Variants in RTN3 observed in about 807,000 individuals in gnomAD.
RTN3 encodes the protein reticulon 3, also known as reticulon-3.
Under a neutral mutation model 77.8 loss-of-function variants are expected in RTN3, and 49 were observed. That is an observed-to-expected ratio of 0.63 (90% CI 0.50 to 0.80). The LOEUF is 0.80. Among genes scored for constraint, RTN3 ranks in the 30% least tolerant of loss-of-function variants. RTN3 has a pLI of 0.00. For synonymous variants in RTN3, 464 were observed against 446.9 expected (o/e 1.04, Z -0.48); for missense variants, 1,236 against 1,211.9 (o/e 1.02, Z -0.29).
rs532277780 is a variant in RTN3 at position 63,738,977 on chromosome 11, G to A, written c.2531-11014G>A. ...GTGTAACTTGGGTACTGCAGCCGGC[G>A]TCCTTAAATAACAGGGACAAGAAAT... On this transcript the variant is annotated intron_variant, in intron 3 of 8. Transcript: ENST00000377819. Among the ~76,000 whole-genome samples, 32 of 152,190 alleles carry A rather than the reference G, an allele frequency of 2.1e-4. No individual in the cohort carries two copies. The South Asian group carries it at 6.0e-3, about 29-fold the overall frequency.
In RTN3 at chr11:63,685,495, C is replaced by CA. The variant is rs55888863; in HGVS notation, c.142+3731dup. The stretch of plus-strand genomic sequence containing the variant: ...TAGGCGACACAGCAAGACTCCATCT[C>CA]AAAAAAAAAAAAAAGTTACTGCAAT... On this transcript the variant is annotated intron_variant, in intron 1 of 8. Coordinates refer to ENST00000377819, the MANE Select transcript of RTN3 (RefSeq NM_001265589.2). 2.4e-4 allele frequency among the ~76,000 whole-genome samples: 28 copies of CA among 115,640 alleles called. 1 individual carries two copies. The highest frequency in any genetic ancestry group is 3.4e-4 in the Admixed American group (4 of 11,864). The allele number at this position is 115,640 out of a possible 152,430, so 75.9% of individuals were successfully genotyped here. A position where few individuals can be genotyped will look rare whatever the true frequency, so the allele number is the denominator to read the frequency against.
In RTN3 at chr11:63,719,294, A is replaced by G; in HGVS notation, c.792A>G (p.Ser264=). ...CATTTGACAAAGAATTTAAAGACTCATATAAGGAGAGCACAGATGATTTTG... is the reference window on the plus strand; with the variant it reads ...CATTTGACAAAGAATTTAAAGACTCGTATAAGGAGAGCACAGATGATTTTG... ...KAAFDKEFKD[S]YKESTDDFGS... is the part of the protein sequence containing the mutation. Residue 264 remains serine, a synonymous_variant, in exon 3 of 9, where the codon TCA becomes TCG. Coordinates refer to ENST00000377819, the MANE Select transcript of RTN3 (RefSeq NM_001265589.2). The G allele has an allele frequency of 4.3e-6, 7 of 1,614,204 alleles. No homozygotes were observed. The highest frequency in any genetic ancestry group is 5.1e-6 in the Non-Finnish European group (6 of 1,180,040).
intron 1 of RTN3, among the ~76,000 whole-genome samples, chr11:63,686,486 A>G (rs1941381916): frequency 6.9e-6 from 1 of 145,550 alleles, no homozygotes; most frequent in Admixed American, 6.8e-5. Flanking sequence ...AAAAAAAAAA[A>G]AAAAGAACAA....
At position 63,689,373 on chromosome 11, in the gene RTN3, A is replaced by G. The variant is rs7130490; in HGVS notation, c.142+7595A>G. Among the ~76,000 whole-genome samples, 1,482 of 152,294 alleles carry G rather than the reference A, an allele frequency of 9.7e-3. 15 individuals are homozygous for G. The highest frequency in any genetic ancestry group is 0.033 in the African/African-American group (1,386 of 41,568). ...GTAGAGTTATTTTGGATCATAGGGT[A>G]TGGTGTTGATGTTTTGAAAGAAGTG... On this transcript the variant is annotated intron_variant, in intron 1 of 8. Coordinates refer to ENST00000377819, the MANE Select transcript of RTN3 (RefSeq NM_001265589.2).
At chr11:63,723,320 T>A (rs1004236923) in intron 3 of RTN3, among the ~76,000 whole-genome samples, 3 of 152,124 alleles carry the variant, frequency 2.0e-5, no homozygotes, top group Non-Finnish European at 1.5e-5. Context: ...TGAATAAATC[T>A]TTAAAAATAT....
chr11:63,698,988 A>G (rs961567565), intron 1 of RTN3, among the ~76,000 whole-genome samples: 18 of 152,192 alleles, frequency 1.2e-4, no homozygotes, highest in African/African-American at 4.1e-4. Context: ...TTGAAAGTTA[A>G]TAATATAAGG....
chr11:63,736,643 G>T (rs2013138670), intron 3 of RTN3, among the ~76,000 whole-genome samples: 1 of 152,084 alleles, frequency 6.6e-6, no homozygotes, highest in Admixed American at 6.5e-5. Context: ...AGCCAAGATT[G>T]CACCACTGCA....
chr11:63,698,610 C>A, intron 1 of RTN3: 1 of 168,696 alleles, frequency 5.9e-6, no homozygotes, highest in South Asian at 1.9e-4. Flanking sequence ...CTGGTAAGAT[C>A]AAGTGGCCAA....
chr11:63,719,690 T>C lies in RTN3; in HGVS notation c.1188T>C (p.Thr396=). ...KTPVCSIDGS[T]PITKSTGDWA... ...CTGTATGTTCTATTGATGGGAGCAC[T>C]CCCATCACTAAATCAACAGGTGATT... The change falls in exon 3 of 9, where the codon ACT becomes ACC. Residue 396 remains threonine (T), a synonymous_variant. Coordinates refer to ENST00000377819, the MANE Select transcript of RTN3 (RefSeq NM_001265589.2). 1 of 1,614,060 alleles carries C rather than the reference T, an allele frequency of 6.2e-7. No individual in the cohort carries two copies.
At chr11:63,753,425 A>G (rs1427975001) in intron 6 of RTN3, among the ~76,000 whole-genome samples, 1 of 152,208 alleles carries the variant, frequency 6.6e-6, no homozygotes, top group Non-Finnish European at 1.5e-5. Flanking sequence ...TAATTTGGAA[A>G]TTGTTATTTG....
At chr11:63,683,478 G>A (rs1160123603) in intron 1 of RTN3, among the ~76,000 whole-genome samples, 1 of 152,164 alleles carries the variant, frequency 6.6e-6, no homozygotes, top group African/African-American at 2.4e-5. Context: ...GTTAAGTGTT[G>A]AAGAGTCATT....
intron 1 of RTN3, among the ~76,000 whole-genome samples, chr11:63,703,718 A>G (rs1942360554): frequency 1.3e-5 from 2 of 148,258 alleles, no homozygotes; most frequent in South Asian, 4.2e-4. Context: ...AATTTTTTGT[A>G]TTTTTCATAG....
At chr11:63,726,232 G>A (rs1016587211) in intron 3 of RTN3, among the ~76,000 whole-genome samples, 3 of 152,178 alleles carry the variant, frequency 2.0e-5, no homozygotes, top group East Asian at 3.8e-4. Flanking sequence ...GAGGATGAAC[G>A]GGAGCAGTCA....
intron 3 of RTN3, among the ~76,000 whole-genome samples, chr11:63,729,893 A>C (rs1179099208): frequency 6.6e-6 from 1 of 151,996 alleles, no homozygotes; most frequent in African/African-American, 2.4e-5. Flanking sequence ...CCCAGGCTCA[A>C]GCAATCCTCC....
intron 3 of RTN3, among the ~76,000 whole-genome samples, chr11:63,742,035 A>G (rs1467492221): frequency 6.8e-6 from 1 of 147,606 alleles, no homozygotes; most frequent in African/African-American, 2.5e-5. Context: ...GCTGGAGTGC[A>G]GTGGCGCGAT....
intron 3 of RTN3, among the ~76,000 whole-genome samples, chr11:63,738,816 T>C (rs1249580127): frequency 6.6e-6 from 1 of 152,082 alleles, no homozygotes; most frequent in East Asian, 1.9e-4. Flanking sequence ...ACAAGAGCTT[T>C]CCCCAAATTC....
At chr11:63,688,867 T>A (rs893478571) in intron 1 of RTN3, among the ~76,000 whole-genome samples, 2 of 152,206 alleles carry the variant, frequency 1.3e-5, no homozygotes, top group Non-Finnish European at 2.9e-5. Flanking sequence ...TGGTGACGTC[T>A]GGTTGAAGGG....
chr11:63,734,781 A>ACACACACACACCCCCCCCCCC (rs778043704), intron 3 of RTN3, among the ~76,000 whole-genome samples: 1 of 105,000 alleles, frequency 9.5e-6, no homozygotes, highest in African/African-American at 3.9e-5. Context: ...ACACACACAC[A>ACACACACACACCCCCCCCCCC]CCATACTGGA....
chr11:63,694,704 C>T (rs1318875626), intron 1 of RTN3, among the ~76,000 whole-genome samples: 3 of 150,962 alleles, frequency 2.0e-5, no homozygotes, highest in Non-Finnish European at 3.0e-5. Flanking sequence ...GTGATCCTCC[C>T]ACCTCAGCCT....
Sources: gnomAD v4.1 joint callset for allele counts (sites outside exome capture counted in the v4.1 genomes callset) on GRCh38, gnomAD v4.1.1 for gene constraint, MANE v1.5 for transcripts, NCBI Gene and HGNC (gene_info 2026-07-23, HGNC 2026-07-21) for gene names.